AUTS2: variants seen among roughly 807,000 people sequenced by gnomAD.
AUTS2 encodes autism susceptibility gene 2 protein.
Under a neutral mutation model 112.4 loss-of-function variants are expected in AUTS2, and 17 were observed. The observed-to-expected ratio is 0.15, with a 90% CI of 0.10 to 0.23. AUTS2 has a LOEUF of 0.23. AUTS2 is among the 10% of genes least tolerant of loss of function. The probability of loss-of-function intolerance (pLI) is 1.00; values close to 1 mark genes in which losing one functional copy is unlikely to be tolerated. For missense variants in AUTS2, 1,510 were observed against 1,701.6 expected (o/e 0.89, Z 1.98); for synonymous variants, 751 against 702.7 (o/e 1.07, Z -1.09).
At chr7:70,096,456 G>A (rs551810808) in intron 2 of AUTS2, among the ~76,000 whole-genome samples, 1 of 151,696 alleles carries the variant, frequency 6.6e-6, no homozygotes, top group East Asian at 1.9e-4. Flanking sequence ...AAATTAGCTG[G>A]GCATGGTGGC....
At chr7:69,658,400 A>C (rs758427026) in intron 1 of AUTS2, among the ~76,000 whole-genome samples, 3 of 152,218 alleles carry the variant, frequency 2.0e-5, no homozygotes. Context: ...ATGACTGACC[A>C]ATCTATTTCT....
intron 1 of AUTS2, among the ~76,000 whole-genome samples, chr7:69,762,389 C>T (rs145637590): frequency 1.8e-4 from 25 of 142,780 alleles, no homozygotes; most frequent in Non-Finnish European, 3.7e-4. Context: ...TCACTGCAGC[C>T]TCTGCCTCCC....
chr7:70,398,854 C>A (rs1334976977), intron 4 of AUTS2, among the ~76,000 whole-genome samples: 1 of 152,048 alleles, frequency 6.6e-6, no homozygotes, highest in Non-Finnish European at 1.5e-5. Flanking sequence ...CATATATAGC[C>A]ATTTTCCGTT....
intron 4 of AUTS2, among the ~76,000 whole-genome samples, chr7:70,405,153 G>A (rs1794479386): frequency 6.6e-6 from 1 of 152,218 alleles, no homozygotes. Flanking sequence ...AAAGATACTT[G>A]AGGTGGCATT....
intron 2 of AUTS2, among the ~76,000 whole-genome samples, chr7:70,113,771 A>C (rs936866378): frequency 7.9e-5 from 12 of 152,202 alleles, no homozygotes; most frequent in Non-Finnish European, 1.8e-4. Flanking sequence ...CTACTGGGCA[A>C]GTAGCATCTT....
intron 2 of AUTS2, among the ~76,000 whole-genome samples, chr7:70,001,043 A>G (rs991551443): frequency 5.9e-5 from 9 of 152,196 alleles, no homozygotes; most frequent in South Asian, 2.1e-4. Flanking sequence ...AGTCTTGTCT[A>G]TTGGTGGCTG....
chr7:69,970,671 G>A (rs1387303813), intron 2 of AUTS2, among the ~76,000 whole-genome samples: 1 of 152,100 alleles, frequency 6.6e-6, no homozygotes, highest in Admixed American at 6.5e-5. Context: ...CTGTTTTGCT[G>A]CTTGTTAATG....
At chr7:70,567,706 C>T (rs1585311875) in intron 5 of AUTS2, among the ~76,000 whole-genome samples, 1 of 152,158 alleles carries the variant, frequency 6.6e-6, no homozygotes, top group East Asian at 1.9e-4. Context: ...CGTAGGGAGG[C>T]CTGAGTGTTA....
chr7:70,100,742 T>A (rs952269698), intron 2 of AUTS2, among the ~76,000 whole-genome samples: 1 of 152,124 alleles, frequency 6.6e-6, no homozygotes, highest in Non-Finnish European at 1.5e-5. Context: ...GCAAATGACA[T>A]TGGGCCAAAG....
At chr7:69,614,384 C>T (rs1317892537) in intron 1 of AUTS2, among the ~76,000 whole-genome samples, 1 of 35,008 alleles carries the variant, frequency 2.9e-5, no homozygotes. Context: ...GAGATGGGAT[C>T]TCACTCTGTT....
chr7:69,947,809 C>T (rs1221858113), intron 2 of AUTS2, among the ~76,000 whole-genome samples: 1 of 152,032 alleles, frequency 6.6e-6, no homozygotes, highest in Non-Finnish European at 1.5e-5. Context: ...TTGTGTTAAC[C>T]ACTGTATATT....
At chr7:69,882,293 A>G (rs987935143) in intron 1 of AUTS2, among the ~76,000 whole-genome samples, 7 of 152,110 alleles carry the variant, frequency 4.6e-5, no homozygotes, top group African/African-American at 7.2e-5. Flanking sequence ...GGGCAACATA[A>G]TGAGACCCCA....
intron 2 of AUTS2, among the ~76,000 whole-genome samples, chr7:70,066,792 A>G (rs1229225568): frequency 6.6e-6 from 1 of 152,138 alleles, no homozygotes; most frequent in Non-Finnish European, 1.5e-5. Flanking sequence ...TGCCTACCTC[A>G]GCCTCCCAAA....
intron 5 of AUTS2, among the ~76,000 whole-genome samples, chr7:70,648,842 T>C (rs1320040778): frequency 1.3e-5 from 2 of 152,118 alleles, no homozygotes; most frequent in Admixed American, 6.6e-5. Context: ...TGCCTTGGCC[T>C]CCTAAAATGC....
At chr7:69,632,081 C>T (rs1353099486) in intron 1 of AUTS2, among the ~76,000 whole-genome samples, 1 of 152,126 alleles carries the variant, frequency 6.6e-6, no homozygotes, top group African/African-American at 2.4e-5. Flanking sequence ...ATTATTTGGC[C>T]ATTTACTTTG....
intron 4 of AUTS2, among the ~76,000 whole-genome samples, chr7:70,210,189 C>G (rs1810782391): frequency 6.6e-6 from 1 of 152,188 alleles, no homozygotes; most frequent in Non-Finnish European, 1.5e-5. Flanking sequence ...CCTCCTTCTT[C>G]TACATGCAGA....
intron 1 of AUTS2, among the ~76,000 whole-genome samples, chr7:69,739,582 C>T (rs1482172312): frequency 6.6e-6 from 1 of 152,180 alleles, no homozygotes. Flanking sequence ...AATACCTCAA[C>T]CAAATTCTGC....
At position 70,790,021 on chromosome 7, in the gene AUTS2, G is replaced by C; in HGVS notation, c.2805G>C (p.Gln935His). Residue 935 changes from glutamine to histidine, a missense_variant, in exon 19 of 19, where the codon CAG (glutamine) becomes CAC (histidine). Coordinates refer to ENST00000342771, the MANE Select transcript of AUTS2 (RefSeq NM_015570.4). This position sits in a 1 kb window ranked among gnomAD's most constrained non-coding sequence, Gnocchi z 7.6. ...EGRAAGEEAK[Q>H]LARVPSPYVR... Reference sequence around the variant, plus strand: ...GCGCCGCGGGCGAAGAGGCCAAGCAGCTGGCCCGGGTGCCGTCTCCCTACG... The same window carrying C: ...GCGCCGCGGGCGAAGAGGCCAAGCACCTGGCCCGGGTGCCGTCTCCCTACG... 1 of 1,589,586 alleles carries C rather than the reference G, an allele frequency of 6.3e-7. No individual in the cohort carries two copies. The highest frequency in any genetic ancestry group is 8.6e-7 in the Non-Finnish European group (1 of 1,168,732).
chr7:70,383,646 G>A (rs1242307777), intron 4 of AUTS2, among the ~76,000 whole-genome samples: 1 of 152,104 alleles, frequency 6.6e-6, no homozygotes, highest in Non-Finnish European at 1.5e-5. Flanking sequence ...AAATCCCAGT[G>A]CCTGTCCTTG....
Sources: gnomAD v4.1 joint callset for allele counts (sites outside exome capture counted in the v4.1 genomes callset) on GRCh38, gnomAD v4.1.1 for gene constraint, Gnocchi (gnomAD v3.1) non-coding constraint, MANE v1.5 for transcripts, NCBI Gene and HGNC (gene_info 2026-07-23, HGNC 2026-07-21) for gene names.